Variants in ZBED5 observed in about 807,000 individuals in gnomAD.
The protein encoded by ZBED5 is zinc finger BED-type containing 5, also known as zinc finger BED domain-containing protein 5.
Under a neutral mutation model 49.2 loss-of-function variants are expected in ZBED5, and 29 were observed. The ratio of observed to expected loss-of-function variants is 0.59; its 90% confidence interval spans 0.44 to 0.80. The LOEUF is 0.80. Among genes scored for constraint, ZBED5 ranks in the 30% least tolerant of loss-of-function variants. The pLI, the probability that ZBED5 is intolerant of heterozygous loss-of-function variation, is 0.00. For missense variants in ZBED5, 775 were observed against 812.9 expected (o/e 0.95, Z 0.57); for synonymous variants, 281 against 292.5 (o/e 0.96, Z 0.40).
intron 1 of ZBED5, 44 bp from the exon 2 acceptor site, chr11:10,856,301 C>G (rs1163323801): frequency 6.6e-6 from 1 of 152,144 alleles, no homozygotes; most frequent in Non-Finnish European, 1.5e-5. Flanking sequence ...ACAAGCAGAA[C>G]TAACTATAAA....
Position 10,852,757 on chromosome 11 carries a change from A to G in ZBED5, c.*107T>C. The G allele has an allele frequency of 7.8e-6, 11 of 1,402,728 alleles. No individual in the cohort carries two copies. The highest frequency in any genetic ancestry group is 1.0e-5 in the Non-Finnish European group (11 of 1,075,850). 86.9% of individuals were successfully genotyped at this position (1,402,728 alleles called of 1,614,324 possible). A position where few individuals can be genotyped will look rare whatever the true frequency, so the allele number is the denominator to read the frequency against. On this transcript the variant is annotated 3_prime_UTR_variant, in exon 3 of 3. Coordinates refer to ENST00000413761, the MANE Select transcript of ZBED5 (RefSeq NM_001143667.2). ...TTCTTAAAATCTAAATAGTATAAAA[A>G]AATGGAATCATTTTATTTAAATCCC...
chr11:10,852,736 TA>T lies in ZBED5; in HGVS notation c.*127del. On this transcript the variant is annotated 3_prime_UTR_variant, in exon 3 of 3. Transcript: ENST00000413761. ...AAAACGTTTGATTCTTTAGCCTTCT[TA>T]AAATCTAAATAGTATAAAAAAATGG... The T allele has an allele frequency of 7.3e-7, 1 of 1,361,158 alleles. No homozygotes were observed. Among genetic ancestry groups the T allele is most frequent in the East Asian group, 2.5e-5 (1 of 39,320 alleles). 84.3% of individuals were successfully genotyped at this position (1,361,158 alleles called of 1,614,324 possible). A position where few individuals can be genotyped will look rare whatever the true frequency, so the allele number is the denominator to read the frequency against.
At position 10,854,294 on chromosome 11, in the gene ZBED5, T is replaced by C. The variant is rs767674188; in HGVS notation, c.652A>G (p.Ile218Val). Residue 218 changes from isoleucine to valine, a missense_variant, in exon 3 of 3, where the codon ATC (isoleucine) becomes GTC (valine). Transcript: ENST00000413761. The surrounding 1 kb of genome is among the most constrained non-coding windows in gnomAD (Gnocchi z 5.0). ...GEAHTIGELL[I>V]KPCAKDVVMR... ...ACTACATCTTTTGCACAAGGTTTGA[T>C]AAGCAATTCTCCAATAGTATGAGCC... The C allele has an allele frequency of 1.0e-5, 16 of 1,551,008 alleles. No homozygotes were observed. In the South Asian group the frequency reaches 1.9e-4, roughly 18 times the overall value.
chr11:10,855,644 G>A lies in ZBED5; in HGVS notation c.-142+500C>T, dbSNP rs1221734026. 2 of 152,124 alleles carry A rather than the reference G, an allele frequency of 1.3e-5. No individual in the cohort carries two copies. Among genetic ancestry groups the A allele is most frequent in the Non-Finnish European group, 2.9e-5 (2 of 68,026 alleles). 9.4% of individuals were successfully genotyped at this position (152,124 alleles called of 1,614,324 possible). A position where few individuals can be genotyped will look rare whatever the true frequency, so the allele number is the denominator to read the frequency against. On this transcript the variant is annotated intron_variant, in intron 2 of 2. Coordinates refer to ENST00000413761, the MANE Select transcript of ZBED5 (RefSeq NM_001143667.2). This position sits in a 1 kb window ranked among gnomAD's most constrained non-coding sequence, Gnocchi z 4.1. ...CTTCAGGGCTAGCAACAATTCTGAA[G>A]AAGTGAATTAAACACACACACAGTT...
At position 10,854,659 on chromosome 11, in the gene ZBED5, G is replaced by T; in HGVS notation, c.287C>A (p.Ser96Tyr). The change falls in exon 3 of 3, where the codon TCC becomes TAC. Residue 96 changes from serine to tyrosine, a missense_variant. Transcript: ENST00000413761. The surrounding 1 kb of genome is among the most constrained non-coding windows in gnomAD (Gnocchi z 5.0). ...TTTTTTACTAAATGTTATTTTGTTG[G>T]AATTGGATATAAATTTGACCCTGGA... The part of the protein sequence containing the change: ...ELSRVKFISN[S>Y]NKITFSKKPK... 14 of 1,551,224 alleles carry T rather than the reference G, an allele frequency of 9.0e-6. No homozygotes were observed. The highest frequency in any genetic ancestry group is 1.2e-5 in the Non-Finnish European group (14 of 1,146,892).
chr11:10,858,045 C>A lies in ZBED5; in HGVS notation c.-439G>T. ...AGATCCGATTCGCGGCTGGCGCGGT[C>A]GCCGGTCTGAAGATAAATTTAGCAC... On this transcript the variant is annotated 5_prime_UTR_variant, in exon 1 of 3. Coordinates refer to ENST00000413761, the MANE Select transcript of ZBED5 (RefSeq NM_001143667.2). The A allele has an allele frequency of 3.0e-6, 1 of 337,558 alleles. No homozygotes were observed. The highest frequency in any genetic ancestry group is 4.5e-5 in the East Asian group (1 of 22,324). The allele number at this position is 337,558 out of a possible 1,614,324, so 20.9% of individuals were successfully genotyped here.
chr11:10,853,615 A>G lies in ZBED5; in HGVS notation c.1331T>C (p.Leu444Pro). 1 of 1,551,468 alleles carries G rather than the reference A, an allele frequency of 6.4e-7. No homozygotes were observed. Among genetic ancestry groups the G allele is most frequent in the Non-Finnish European group, 8.7e-7 (1 of 1,146,916 alleles). The change falls in exon 3 of 3, where the codon CTT becomes CCT. Residue 444 changes from leucine (L) to proline (P), a missense_variant. Transcript: ENST00000413761. The surrounding 1 kb of genome is among the most constrained non-coding windows in gnomAD (Gnocchi z 5.4). ...CAAAAGTTCACGACGAAGTTCAAAAAGTCTTACAAGAACTTTACCTCGAGA... is the reference window on the plus strand; with the variant it reads ...CAAAAGTTCACGACGAAGTTCAAAAGGTCTTACAAGAACTTTACCTCGAGA... ...WLSRGKVLVR[L>P]FELRRELLVF...
At position 10,858,027 on chromosome 11, in the gene ZBED5, A is replaced by C. The variant is rs1264753065; in HGVS notation, c.-421T>G. Reference sequence around the variant, plus strand: ...CCTAGGCCATCTCCATAGAGATCCGATTCGCGGCTGGCGCGGTCGCCGGTC... The same window carrying C: ...CCTAGGCCATCTCCATAGAGATCCGCTTCGCGGCTGGCGCGGTCGCCGGTC... On this transcript the variant is annotated 5_prime_UTR_variant, in exon 1 of 3. Coordinates refer to ENST00000413761, the MANE Select transcript of ZBED5 (RefSeq NM_001143667.2). 6.4e-6 allele frequency: 2 copies of C among 311,782 alleles called. No individual in the cohort carries two copies. Among genetic ancestry groups the C allele is most frequent in the Non-Finnish European group, 1.2e-5 (2 of 171,120 alleles). 19.3% of individuals were successfully genotyped at this position (311,782 alleles called of 1,614,324 possible). A position where few individuals can be genotyped will look rare whatever the true frequency, so the allele number is the denominator to read the frequency against.
chr11:10,852,774 T>G lies in ZBED5; in HGVS notation c.*90A>C. ...GTATAAAAAAATGGAATCATTTTAT[T>G]TAAATCCCCCAAATACCAGAGATGA... On this transcript the variant is annotated 3_prime_UTR_variant, in exon 3 of 3. Coordinates refer to ENST00000413761, the MANE Select transcript of ZBED5 (RefSeq NM_001143667.2). 1 of 1,409,830 alleles carries G rather than the reference T, an allele frequency of 7.1e-7. No individual in the cohort carries two copies. Among genetic ancestry groups the G allele is most frequent in the Non-Finnish European group, 9.3e-7 (1 of 1,079,808 alleles). 87.3% of individuals were successfully genotyped at this position (1,409,830 alleles called of 1,614,324 possible).
rs1036084002 is a variant in ZBED5, at chr11:10,853,949, T to C, written c.997A>G (p.Ile333Val). The change falls in exon 3 of 3, where the codon ATT (isoleucine) becomes GTT (valine). Residue 333 changes from isoleucine to valine, a missense_variant. By Grantham distance (29) the Ile-to-Val change is conservative. Transcript: ENST00000413761. The surrounding 1 kb of genome is among the most constrained non-coding windows in gnomAD (Gnocchi z 5.4). The part of the protein sequence containing the change: ...CINSFMQKHE[I>V]EWEKCVDVCS... ...ACATCAACACATTTTTCCCATTCAA[T>C]TTCATGTTTCTGCATAAAACTGTTG... 2 of 1,551,480 alleles carry C rather than the reference T, an allele frequency of 1.3e-6. No homozygotes were observed. The highest frequency in any genetic ancestry group is 2.7e-5 in the African/African-American group (2 of 73,034).
Position 10,855,054 on chromosome 11 carries a change from C to G in ZBED5, c.-109G>C. On this transcript the variant is annotated 5_prime_UTR_variant, in exon 3 of 3. Coordinates refer to ENST00000413761, the MANE Select transcript of ZBED5 (RefSeq NM_001143667.2). The surrounding 1 kb of genome is among the most constrained non-coding windows in gnomAD (Gnocchi z 4.1). ...ATGTATCAGGTGATCTCTCATGCGA[C>G]TTCCTGGTGCTCTCAGGTATGGTAC... is the stretch of plus-strand genomic sequence containing the variant. The G allele has an allele frequency of 1.5e-6, 2 of 1,328,994 alleles. No individual in the cohort carries two copies. Among genetic ancestry groups the G allele is most frequent in the Non-Finnish European group, 2.0e-6 (2 of 987,510 alleles). The allele number at this position is 1,328,994 out of a possible 1,614,324, so 82.3% of individuals were successfully genotyped here.
In ZBED5 at chr11:10,857,852, T is replaced by A. The variant is rs908219658; in HGVS notation, c.-256+10A>T. On this transcript the variant is annotated intron_variant, in intron 1 of 2. Transcript: ENST00000413761. The surrounding 1 kb of genome is among the most constrained non-coding windows in gnomAD (Gnocchi z 6.3). ...CACCGCTTAGCCGCGGCGGCGGCTC[T>A]GCTTCTCACCTTCACCGAGGCCTGA... The A allele has an allele frequency of 6.5e-6, 1 of 153,046 alleles. No individual in the cohort carries two copies. Among genetic ancestry groups the A allele is most frequent in the African/African-American group, 2.4e-5 (1 of 41,500 alleles). The allele number at this position is 153,046 out of a possible 1,614,324, so 9.5% of individuals were successfully genotyped here. A position where few individuals can be genotyped will look rare whatever the true frequency, so the allele number is the denominator to read the frequency against.
rs1226120416 is a variant in ZBED5 at position 10,857,714 on chromosome 11, G to A, written c.-256+148C>T. 6.6e-6 allele frequency: 1 copy of A among 152,332 alleles called. No homozygotes were observed. Among genetic ancestry groups the A allele is most frequent in the Non-Finnish European group, 1.5e-5 (1 of 68,124 alleles). 9.4% of individuals were successfully genotyped at this position (152,332 alleles called of 1,614,324 possible). ...CCATCTCTCTATTTCATCTCCATCA[G>A]CGATGGAGAGAACGGATTTTGCCGC... is the stretch of plus-strand genomic sequence containing the variant. On this transcript the variant is annotated intron_variant, in intron 1 of 2. Transcript: ENST00000413761. This position sits in a 1 kb window ranked among gnomAD's most constrained non-coding sequence, Gnocchi z 6.3.
At position 10,853,224 on chromosome 11, in the gene ZBED5, A is replaced by C. The variant is rs1225396176; in HGVS notation, c.1722T>G (p.Val574=). The change falls in exon 3 of 3, where the codon GTT becomes GTG. Residue 574 remains valine (V), a synonymous_variant. Transcript: ENST00000413761. This position sits in a 1 kb window ranked among gnomAD's most constrained non-coding sequence, Gnocchi z 5.4. ...FPVTNDNNAW[V]RNPFTVTVKP... is the part of the protein sequence containing the mutation. ...TAACAGTAACTGTAAATGGATTTCT[A>C]ACCCAAGCATTATTGTCATTTGTTA... 9 of 1,551,598 alleles carry C rather than the reference A, an allele frequency of 5.8e-6. No homozygotes were observed. The highest frequency in any genetic ancestry group is 7.8e-6 in the Non-Finnish European group (9 of 1,146,860).
Position 10,854,051 on chromosome 11 carries a change from T to A in ZBED5, c.895A>T (p.Lys299Ter). 3 of 1,551,420 alleles carry A rather than the reference T, an allele frequency of 1.9e-6. No individual in the cohort carries two copies. The highest frequency in any genetic ancestry group is 2.6e-6 in the Non-Finnish European group (3 of 1,146,906). Residue 299 changes from lysine to a stop codon, truncating the protein, a stop_gained, in exon 3 of 3, where the codon AAG (lysine) becomes TAG (stop). Transcript: ENST00000413761. LOFTEE classifies it high-confidence loss of function. The surrounding 1 kb of genome is among the most constrained non-coding windows in gnomAD (Gnocchi z 5.0). The part of the protein sequence containing the change: ...LLVFVRYRFN[K>*]SIEEDLLLCE... ...AGGAGTAGGTCTTCCTCAATAGACT[T>A]ATTAAACCTATAACGAACAAACACA...
In ZBED5 at chr11:10,857,494, A is replaced by C. The variant is rs1447613888; in HGVS notation, c.-256+368T>G. On this transcript the variant is annotated intron_variant, in intron 1 of 2. Coordinates refer to ENST00000413761, the MANE Select transcript of ZBED5 (RefSeq NM_001143667.2). The surrounding 1 kb of genome is among the most constrained non-coding windows in gnomAD (Gnocchi z 6.3). The stretch of plus-strand genomic sequence containing the variant: ...CCTTCCAACACCTAAATGCTTTTTT[A>C]AACGGTCACCTGGATGTGCAGCCAG... 6.6e-6 allele frequency: 1 copy of C among 152,396 alleles called. No homozygotes were observed. The highest frequency in any genetic ancestry group is 1.5e-5 in the Non-Finnish European group (1 of 68,196). 9.4% of individuals were successfully genotyped at this position (152,396 alleles called of 1,614,324 possible). A position where few individuals can be genotyped will look rare whatever the true frequency, so the allele number is the denominator to read the frequency against.
At position 10,855,231 on chromosome 11, in the gene ZBED5, T is replaced by C. The variant is rs1243466039; in HGVS notation, c.-141-145A>G. The C allele has an allele frequency of 3.9e-6, 1 of 257,192 alleles. No homozygotes were observed. Among genetic ancestry groups the C allele is most frequent in the Non-Finnish European group, 7.8e-6 (1 of 128,800 alleles). The allele number at this position is 257,192 out of a possible 1,614,324, so 15.9% of individuals were successfully genotyped here. A position where few individuals can be genotyped will look rare whatever the true frequency, so the allele number is the denominator to read the frequency against. On this transcript the variant is annotated intron_variant, in intron 2 of 2. Transcript: ENST00000413761. The surrounding 1 kb of genome is among the most constrained non-coding windows in gnomAD (Gnocchi z 4.1). ...TCATTTTCTCAAAACATTTATTAAC[T>C]TAGAGAATATTAATATTCTATAAAA...
chr11:10,853,947 A>G lies in ZBED5; in HGVS notation c.999T>C (p.Ile333=), dbSNP rs752719494. The change falls in exon 3 of 3, where the codon ATT becomes ATC. Residue 333 remains isoleucine (I), a synonymous_variant. Coordinates refer to ENST00000413761, the MANE Select transcript of ZBED5 (RefSeq NM_001143667.2). The surrounding 1 kb of genome is among the most constrained non-coding windows in gnomAD (Gnocchi z 5.4). The part of the protein sequence containing the change: ...CINSFMQKHE[I]EWEKCVDVCS... The stretch of plus-strand genomic sequence containing the variant: ...AAACATCAACACATTTTTCCCATTC[A>G]ATTTCATGTTTCTGCATAAAACTGT... 11 of 1,551,472 alleles carry G rather than the reference A, an allele frequency of 7.1e-6. No individual in the cohort carries two copies. The highest frequency in any genetic ancestry group is 5.9e-5 in the South Asian group (5 of 84,048).
Position 10,853,023 on chromosome 11 carries a change from CA to C in ZBED5, c.1922del (p.Met641SerfsTer67). ...AVRVLLPFAT[M>X]HLCETGFSYY... ...ATGAAAACCCCGTTTCACACAGGTG[CA>C]TTGTAGCAAAAGGAAGAAGTACACG... On this transcript the variant is annotated frameshift_variant, in exon 3 of 3. Transcript: ENST00000413761. LOFTEE classifies it high-confidence loss of function. This position sits in a 1 kb window ranked among gnomAD's most constrained non-coding sequence, Gnocchi z 5.4. The C allele has an allele frequency of 6.4e-7, 1 of 1,551,632 alleles. No individual in the cohort carries two copies. The highest frequency in any genetic ancestry group is 8.7e-7 in the Non-Finnish European group (1 of 1,146,952).
Sources: gnomAD v4.1 joint callset for allele counts on GRCh38, gnomAD v4.1.1 for gene constraint, Gnocchi (gnomAD v3.1) non-coding constraint, MANE v1.5 for transcripts, NCBI Gene and HGNC (gene_info 2026-07-23, HGNC 2026-07-21) for gene names.